Variants in TRPM3 observed in about 807,000 individuals in gnomAD.
TRPM3 encodes the protein long transient receptor potential channel 3.
TRPM3 carries 77 observed loss-of-function variants against 181.2 expected under a neutral mutation model. The observed-to-expected ratio is 0.42, with a 90% CI of 0.35 to 0.51. The LOEUF is 0.51. Ranked by LOEUF, TRPM3 falls within the 20% of genes least tolerant of loss-of-function variation. The pLI, the probability that TRPM3 is intolerant of heterozygous loss-of-function variation, is 0.01. For missense variants in TRPM3, 1,759 were observed against 2,196.7 expected (o/e 0.80, Z 3.98); for synonymous variants, 745 against 796.4 (o/e 0.94, Z 1.09).
intron 1 of TRPM3, among the ~76,000 whole-genome samples, chr9:71,106,177 C>T (rs568310988): frequency 1.3e-5 from 2 of 152,262 alleles, no homozygotes; most frequent in African/African-American, 4.8e-5. Flanking sequence ...ATTCAGGACA[C>T]ATCTGAAAAC....
intron 1 of TRPM3, among the ~76,000 whole-genome samples, chr9:71,142,697 AT>A (rs754963116): frequency 2.8e-4 from 43 of 151,740 alleles, no homozygotes; most frequent in Non-Finnish European, 5.3e-4. Flanking sequence ...GACAATTTAT[AT>A]TTAAAAAATT....
chr9:71,267,998 C>A (rs2083505249), intron 1 of TRPM3, among the ~76,000 whole-genome samples: 1 of 152,168 alleles, frequency 6.6e-6, no homozygotes, highest in African/African-American at 2.4e-5. Context: ...AAAGCTGTTA[C>A]AAGATTCTGA....
intron 6 of TRPM3, among the ~76,000 whole-genome samples, chr9:70,817,002 G>A (rs992706963): frequency 1.3e-5 from 2 of 152,188 alleles, no homozygotes; most frequent in Non-Finnish European, 2.9e-5. Flanking sequence ...GTTCTTCAAT[G>A]AGCACGTTAG....
intron 7 of TRPM3, chr9:70,775,969 T>C (rs1419816605): frequency 6.5e-6 from 1 of 153,196 alleles, no homozygotes; most frequent in Non-Finnish European, 1.5e-5. Context: ...GTGAGAAAAC[T>C]TGAAATCTAT....
rs1476601328 is a variant in TRPM3, at chr9:70,535,300, A to G, written c.*653T>C. The G allele has an allele frequency of 6.8e-6, 7 of 1,022,580 alleles. No individual in the cohort carries two copies. The highest frequency in any genetic ancestry group is 1.0e-5 in the Non-Finnish European group (7 of 693,864). 63.3% of individuals were successfully genotyped at this position (1,022,580 alleles called of 1,614,324 possible). ...TCAAAAAAGGATAAACAGTTGTGGC[A>G]CCAGAAGTGAATAGATAAGAGACAG... is the stretch of plus-strand genomic sequence containing the variant. On this transcript the variant is annotated 3_prime_UTR_variant, in exon 26 of 26. Transcript: ENST00000677713.
chr9:70,831,884 G>A (rs1232156475), intron 5 of TRPM3, among the ~76,000 whole-genome samples: 1 of 148,120 alleles, frequency 6.8e-6, no homozygotes, highest in Non-Finnish European at 1.5e-5. Flanking sequence ...AAATGCTTGA[G>A]GGAATGACTA....
chr9:71,264,019 A>G (rs1417082692), intron 1 of TRPM3, among the ~76,000 whole-genome samples: 2 of 152,150 alleles, frequency 1.3e-5, no homozygotes, highest in Non-Finnish European at 2.9e-5. Flanking sequence ...CCTGGGCTCA[A>G]GTGATTCTCC....
chr9:70,967,230 C>T (rs901397871), intron 1 of TRPM3, among the ~76,000 whole-genome samples: 1 of 151,934 alleles, frequency 6.6e-6, no homozygotes, highest in Non-Finnish European at 1.5e-5. Flanking sequence ...ACTCTAAAGT[C>T]CCAGTTCCTT....
intron 1 of TRPM3, among the ~76,000 whole-genome samples, chr9:71,138,075 C>A (rs2074875927): frequency 6.6e-6 from 1 of 151,830 alleles, no homozygotes; most frequent in African/African-American, 2.4e-5. Context: ...GATCTTGCCA[C>A]TGCACCCCAG....
intron 8 of TRPM3, among the ~76,000 whole-genome samples, chr9:70,751,999 AGT>A (rs71507124): frequency 0.019 from 2,033 of 104,536 alleles, 30 homozygotes; most frequent in South Asian, 0.029. Context: ...ACATCTCAAC[AGT>A]GTGTGTGTGT....
intron 1 of TRPM3, among the ~76,000 whole-genome samples, chr9:71,029,678 A>T (rs1215441640): frequency 6.6e-6 from 1 of 152,216 alleles, no homozygotes; most frequent in Non-Finnish European, 1.5e-5. Flanking sequence ...TCCTTCAGGC[A>T]TTATAAAATC....
intron 1 of TRPM3, among the ~76,000 whole-genome samples, chr9:71,339,885 T>G (rs76068330): frequency 0.015 from 2,211 of 152,184 alleles, 54 homozygotes; most frequent in East Asian, 0.11. Context: ...GTATATAAAT[T>G]TACAAAAACA....
intron 6 of TRPM3, among the ~76,000 whole-genome samples, chr9:70,803,697 G>A (rs1404162678): frequency 9.2e-5 from 14 of 151,724 alleles, no homozygotes; most frequent in Non-Finnish European, 1.6e-4. Context: ...TGATCAGTCC[G>A]TCTCGGCCTC....
chr9:71,055,904 C>T (rs2060601962), intron 1 of TRPM3, among the ~76,000 whole-genome samples: 1 of 151,982 alleles, frequency 6.6e-6, no homozygotes, highest in Non-Finnish European at 1.5e-5. Flanking sequence ...AGAAATCCAG[C>T]CTCTTTCCCA....
chr9:70,778,023 C>T (rs1280545856), intron 7 of TRPM3, among the ~76,000 whole-genome samples: 1 of 151,684 alleles, frequency 6.6e-6, no homozygotes, highest in Non-Finnish European at 1.5e-5. Flanking sequence ...AAAACACTGC[C>T]ACACTGTTTC....
intron 1 of TRPM3, among the ~76,000 whole-genome samples, chr9:71,053,067 ACTT>A (rs935380179): frequency 3.9e-4 from 51 of 129,458 alleles, no homozygotes; most frequent in African/African-American, 9.9e-4. Context: ...GAATAAGTAT[ACTT>A]CTTCTTTAGA....
intron 1 of TRPM3, among the ~76,000 whole-genome samples, chr9:71,201,225 G>C (rs1345891991): frequency 6.6e-6 from 1 of 151,930 alleles, no homozygotes; most frequent in South Asian, 2.1e-4. Flanking sequence ...GGCTTGTAGA[G>C]TTTCTGCTGA....
In TRPM3 at chr9:71,352,058, G is replaced by T. The variant is rs2091668959; in HGVS notation, c.183+94595C>A. Among the ~76,000 whole-genome samples, 3 of 152,020 alleles carry T rather than the reference G, an allele frequency of 2.0e-5. No homozygotes were observed. In the South Asian group the frequency reaches 6.3e-4, roughly 32 times the overall value. On this transcript the variant is annotated intron_variant, in intron 1 of 24. Transcript: ENST00000357533. ...ACCCGGCTAATTTTTTGTATTTTTAGTAAAGGCGGGGTTTCACCGTGTTAG... is the reference window on the plus strand; with the variant it reads ...ACCCGGCTAATTTTTTGTATTTTTATTAAAGGCGGGGTTTCACCGTGTTAG...
chr9:70,771,193 G>A (rs909139090), intron 7 of TRPM3, among the ~76,000 whole-genome samples: 55 of 152,164 alleles, frequency 3.6e-4, no homozygotes, highest in African/African-American at 1.3e-3. Flanking sequence ...TATTTTTGAA[G>A]TCTGTATGTT....
Sources: gnomAD v4.1 joint callset for allele counts (sites outside exome capture counted in the v4.1 genomes callset) on GRCh38, gnomAD v4.1.1 for gene constraint, MANE v1.5 for transcripts, NCBI Gene and HGNC (gene_info 2026-07-23, HGNC 2026-07-21) for gene names.